The following SYNRG variants were observed in gnomAD, a reference collection of about 807,000 sequenced individuals.
The protein encoded by SYNRG is synergin gamma.
A neutral mutation model predicts 130.9 loss-of-function variants in SYNRG; 37 were observed. The ratio of observed to expected loss-of-function variants is 0.28; its 90% CI spans 0.22 to 0.37. The LOEUF (loss-of-function observed/expected upper bound fraction) is 0.37. Among genes scored for constraint, SYNRG ranks in the 10% least tolerant of loss-of-function variants. SYNRG has a pLI of 1.00. For missense variants in SYNRG, 1,338 were observed against 1,588.9 expected, an observed-to-expected ratio of 0.84 and a Z score of 2.68; for synonymous variants, 539 against 568.1, an observed-to-expected ratio of 0.95 and a Z score of 0.73.
At chr17:37,578,611 C>T (rs185536983) in intron 6 of SYNRG, among the ~76,000 whole-genome samples, 82 of 152,294 alleles carry the variant, frequency 5.4e-4, no homozygotes, top group African/African-American at 1.9e-3. Flanking sequence ...ATGAGACAGT[C>T]TGGACTAAGT....
At chr17:37,605,991 C>CTAAA (rs2063713322) in intron 1 of SYNRG, 4 of 985,440 alleles carry the variant, frequency 4.1e-6, no homozygotes, top group Non-Finnish European at 4.8e-6. Flanking sequence ...AGACATCTTT[C>CTAAA]TAAATGATGG....
intron 8 of SYNRG, 64 bp from the exon 9 acceptor site, chr17:37,572,051 C>A: frequency 7.2e-7 from 1 of 1,380,336 alleles, no homozygotes; most frequent in Non-Finnish European, 1.0e-6. Flanking sequence ...TTTTGGGATG[C>A]CATTGTTGGT....
rs149247296 is a variant in SYNRG, at chr17:37,542,308, G to A, written c.2866C>T (p.Leu956Phe). The A allele has an allele frequency of 5.6e-4, 897 of 1,614,106 alleles. No individual in the cohort carries two copies. The highest frequency in any genetic ancestry group is 7.0e-4 in the Non-Finnish European group (826 of 1,180,054). The stretch of plus-strand genomic sequence containing the variant: ...AGAGCTGGGAAGGTGGTCTCTGGAA[G>A]AGCATCTTCACTTACAAAGGTCGTT... Reference protein sequence around the residue: ...KVTTFVSEDALPETTFPALAS... With the variant: ...KVTTFVSEDAFPETTFPALAS... The change falls in exon 15 of 22, where the codon CTT (leucine) becomes TTT (phenylalanine). Residue 956 changes from leucine to phenylalanine, a missense_variant. By Grantham distance (22) the Leu-to-Phe change is conservative (BLOSUM62 0). Around this residue, in one of 3 missense-constraint regions of SYNRG, gnomAD observed 1,146 missense variants for 1,342.3 expected, o/e 0.85. Transcript: ENST00000612223.
chr17:37,540,678 A>C (rs2057673600), intron 15 of SYNRG, 135 bp from the exon 16 acceptor site: 2 of 1,020,776 alleles, frequency 2.0e-6, no homozygotes, highest in African/African-American at 3.7e-5. Context: ...TCTGTCGCTC[A>C]GACTGGAGTA....
chr17:37,600,547 T>C lies in SYNRG; in HGVS notation c.78-144A>G, dbSNP rs778551175. 2.4e-5 allele frequency: 19 copies of C among 805,054 alleles called. No homozygotes were observed. The South Asian group carries it at 2.6e-4, about 11-fold the overall frequency. 49.9% of individuals were successfully genotyped at this position (805,054 alleles called of 1,614,324 possible). ...ACAATACTGAATTGCCCAACATCAG[T>C]ACACTGAGCATCCATAGGATGCATG... On this transcript the variant is annotated intron_variant, in intron 1 of 21. Coordinates refer to ENST00000612223, the MANE Select transcript of SYNRG (RefSeq NM_007247.6).
chr17:37,539,056 CAG>C (rs2057481135), intron 17 of SYNRG, 134 bp downstream of exon 17: 7 of 1,468,974 alleles, frequency 4.8e-6, no homozygotes, highest in Middle Eastern at 1.8e-4. Flanking sequence ...ATGACTTCCA[CAG>C]AGTTACTCTT....
chr17:37,604,617 T>C (rs35344140), intron 1 of SYNRG, among the ~76,000 whole-genome samples: 65,530 of 152,146 alleles, frequency 0.43, 14,710 homozygotes, highest in East Asian at 0.67. Flanking sequence ...TTTCCTGGAA[T>C]AGGACTTTTA....
At chr17:37,563,448 C>T (rs528460368) in intron 11 of SYNRG, among the ~76,000 whole-genome samples, 2 of 152,312 alleles carry the variant, frequency 1.3e-5, no homozygotes, top group African/African-American at 2.4e-5. Flanking sequence ...TAAATATATA[C>T]ATTTAAAAAG....
chr17:37,545,503 T>C (rs1248493782), intron 14 of SYNRG, among the ~76,000 whole-genome samples: 2 of 152,216 alleles, frequency 1.3e-5, no homozygotes, highest in African/African-American at 4.8e-5. Flanking sequence ...AAGATCTTTC[T>C]GTGCAATTAT....
intron 3 of SYNRG, among the ~76,000 whole-genome samples, chr17:37,588,219 C>T (rs1343869787): frequency 6.6e-6 from 1 of 151,630 alleles, no homozygotes; most frequent in Non-Finnish European, 1.5e-5. Context: ...ACCACTGAAC[C>T]ATGCTGGAGA....
intron 19 of SYNRG, among the ~76,000 whole-genome samples, chr17:37,530,197 G>A (rs1392829546): frequency 6.6e-6 from 1 of 152,206 alleles, no homozygotes; most frequent in Non-Finnish European, 1.5e-5. Context: ...ACAAGGAATA[G>A]AGGTTGAGAA....
Position 37,585,371 on chromosome 17 carries a change from T to G in SYNRG, c.431A>C (p.Glu144Ala). The G allele has an allele frequency of 6.2e-7, 1 of 1,614,078 alleles. No individual in the cohort carries two copies. The highest frequency in any genetic ancestry group is 8.5e-7 in the Non-Finnish European group (1 of 1,180,030). ...LEEERKRRQF[E>A]EQKQKLRLLS... ...AAGTCTGAGCTTTTGCTTCTGCTCT[T>G]CAAACTGGCGTCTTTTTCTTTCTTC... Residue 144 changes from glutamate (E) to alanine (A), a missense_variant, in exon 5 of 22, where the codon GAA (glutamate) becomes GCA (alanine). Physicochemically the swap from Glu to Ala is moderately radical, Grantham distance 107. This residue lies in a region of SYNRG where 184 missense variants were observed against 217.2 expected (regional missense o/e 0.85). Coordinates refer to ENST00000612223, the MANE Select transcript of SYNRG (RefSeq NM_007247.6).
At chr17:37,549,377 A>G (rs2058544236) in intron 14 of SYNRG, among the ~76,000 whole-genome samples, 3 of 152,096 alleles carry the variant, frequency 2.0e-5, no homozygotes, top group African/African-American at 7.2e-5. Flanking sequence ...TGTTTGGCCT[A>G]CGCTTGTTGC....
At chr17:37,527,997 G>A (rs1428615662) in intron 19 of SYNRG, among the ~76,000 whole-genome samples, 1 of 152,176 alleles carries the variant, frequency 6.6e-6, no homozygotes, top group Non-Finnish European at 1.5e-5. Flanking sequence ...GATAGGAACA[G>A]CCTCACAGAG....
intron 14 of SYNRG, among the ~76,000 whole-genome samples, chr17:37,552,874 G>C (rs561821407): frequency 7.2e-5 from 11 of 152,268 alleles, no homozygotes; most frequent in African/African-American, 2.6e-4. Flanking sequence ...GCTGGTGCTA[G>C]ATTTCAAAAA....
In SYNRG at chr17:37,561,472, T is replaced by C. The variant is rs1484251429; in HGVS notation, c.1599A>G (p.Gly533=). The change falls in exon 12 of 22, where the codon GGA becomes GGG. Residue 533 remains glycine, a splice_region_variant and synonymous_variant. Coordinates refer to ENST00000612223, the MANE Select transcript of SYNRG (RefSeq NM_007247.6). ...DKSSENTVPP[G]DPGDKYSAFR... ...TTTATGAATTTACCAACTTTTTACC[T>C]CCAGGTGGAACAGTATTTTCAGAGG... 1 of 1,611,770 alleles carries C rather than the reference T, an allele frequency of 6.2e-7. No homozygotes were observed. Among genetic ancestry groups the C allele is most frequent in the East Asian group, 2.2e-5 (1 of 44,814 alleles).
chr17:37,584,575 G>A (rs1238269575), intron 6 of SYNRG, 73 bp downstream of exon 6: 2 of 1,173,474 alleles, frequency 1.7e-6, no homozygotes, highest in East Asian at 2.3e-5. Flanking sequence ...CACATATAAT[G>A]GCGAGGTAAA....
At chr17:37,590,956 A>G (rs1010091933) in intron 3 of SYNRG, among the ~76,000 whole-genome samples, 5 of 152,180 alleles carry the variant, frequency 3.3e-5, no homozygotes, top group African/African-American at 1.2e-4. Flanking sequence ...CATGATAGTG[A>G]TAACAACTTC....
In SYNRG at chr17:37,518,880, C is replaced by G; in HGVS notation, c.*60G>C. 4 of 1,587,120 alleles carry G rather than the reference C, an allele frequency of 2.5e-6. No individual in the cohort carries two copies. Among genetic ancestry groups the G allele is most frequent in the Non-Finnish European group, 3.4e-6 (4 of 1,166,036 alleles). On this transcript the variant is annotated 3_prime_UTR_variant, in exon 22 of 22. Transcript: ENST00000612223. ...CAGTGCTCGCATTCTATTTATTGGT[C>G]CCTGTCACCCCGTGGGGTGTCACAG...
Sources: allele counts gnomAD v4.1 joint callset (sites outside exome capture counted in the v4.1 genomes callset), GRCh38; gene constraint gnomAD v4.1.1; regional missense constraint gnomAD v4.1.1; transcripts MANE v1.5; gene names NCBI Gene and HGNC (gene_info 2026-07-23, HGNC 2026-07-21).